Variants in ZNF98 observed in about 807,000 individuals in gnomAD.
ZNF98 encodes zinc finger protein 739.
In ZNF98, 8 loss-of-function variants were observed where a neutral mutation model predicts 12.8. The ratio of observed to expected loss-of-function variants is 0.63; its 90% confidence interval spans 0.37 to 1.13. ZNF98 has a LOEUF of 1.13. Ranked by LOEUF, ZNF98 falls within the 50% of genes most tolerant of loss-of-function variation. The pLI, the probability that ZNF98 is intolerant of heterozygous loss-of-function variation, is 0.01. For synonymous variants in ZNF98, 112 were observed against 223.5 expected (o/e 0.50, Z 4.45); for missense variants, 379 against 666.1 (o/e 0.57, Z 4.74).
chr19:22,397,805 T>C (rs1969414481), intron 3 of ZNF98, among the ~76,000 whole-genome samples: 1 of 111,504 alleles, frequency 9.0e-6, no homozygotes, highest in Admixed American at 9.7e-5. Context: ...AATCTCTACA[T>C]ACAATGAAGT....
rs200437280 is a variant in ZNF98, at chr19:22,392,814, C to A, written c.421G>T (p.Gly141Ter). Residue 141 changes from glycine (G) to a stop codon, truncating the protein, a stop_gained, in exon 4 of 4, where the codon GGA becomes TGA. Transcript: ENST00000357774. LOFTEE classifies it low-confidence loss of function (END_TRUNC). ...GTAGTTGTCAAACACTGGTTAAGTC[C>A]ATTGTAACATTCTTTGTGCACCTTA... ...ECKVHKECYN[G>*]LNQCLTTTQN... 6.2e-7 allele frequency: 1 copy of A among 1,612,436 alleles called. No homozygotes were observed. Among genetic ancestry groups the A allele is most frequent in the Non-Finnish European group, 8.5e-7 (1 of 1,179,470 alleles).
intron 1 of ZNF98, among the ~76,000 whole-genome samples, chr19:22,409,972 C>T (rs2145118615): frequency 6.8e-6 from 1 of 148,002 alleles, no homozygotes; most frequent in African/African-American, 2.5e-5. Context: ...TCTAAGAAGG[C>T]ATTTATGCAG....
chr19:22,401,388 A>T (rs1969455428), intron 3 of ZNF98, among the ~76,000 whole-genome samples: 1 of 152,222 alleles, frequency 6.6e-6, no homozygotes, highest in Non-Finnish European at 1.5e-5. Context: ...AACAAATTTA[A>T]CCAAGGAGCT....
chr19:22,391,402 T>C lies in ZNF98; in HGVS notation c.*114A>G. On this transcript the variant is annotated 3_prime_UTR_variant, in exon 4 of 4. Transcript: ENST00000357774. ...TTCCTGTGCAATAAGGTTTGAGCAT[T>C]GTGTAAGTTTTGCCACACTGTTCAC... The C allele has an allele frequency of 6.8e-7, 1 of 1,480,688 alleles. No individual in the cohort carries two copies. Among genetic ancestry groups the C allele is most frequent in the East Asian group, 2.4e-5 (1 of 40,832 alleles). 91.7% of individuals were successfully genotyped at this position (1,480,688 alleles called of 1,614,324 possible).
At chr19:22,416,161 C>T (rs1484097536) in intron 1 of ZNF98, among the ~76,000 whole-genome samples, 1 of 148,914 alleles carries the variant, frequency 6.7e-6, no homozygotes, top group Admixed American at 6.7e-5. Context: ...CAAAACAAAA[C>T]AAAAAAATTT....
chr19:22,415,420 T>G (rs1161350258), intron 1 of ZNF98, among the ~76,000 whole-genome samples: 2 of 152,168 alleles, frequency 1.3e-5, no homozygotes, highest in East Asian at 3.9e-4. Flanking sequence ...GCAGTACTAT[T>G]CACAATAGCA....
At chr19:22,407,442 G>A (rs1167564135) in intron 1 of ZNF98, among the ~76,000 whole-genome samples, 6 of 149,796 alleles carry the variant, frequency 4.0e-5, no homozygotes, top group Admixed American at 2.0e-4. Flanking sequence ...GGCTGGGCAC[G>A]GTGGCTCACG....
In ZNF98 at chr19:22,422,308, A is replaced by C; in HGVS notation, c.-84T>G. ...GAGCAGAGGACACAGAAGGGCGAAG[A>C]CGAGACCAGGAACTCCGGCTGCAGC... On this transcript the variant is annotated 5_prime_UTR_variant, in exon 1 of 4. Coordinates refer to ENST00000357774, the MANE Select transcript of ZNF98 (RefSeq NM_001098626.2). 6.5e-7 allele frequency: 1 copy of C among 1,547,576 alleles called. No individual in the cohort carries two copies. The highest frequency in any genetic ancestry group is 8.9e-7 in the Non-Finnish European group (1 of 1,123,530).
chr19:22,420,333 T>G (rs991399008), intron 1 of ZNF98, among the ~76,000 whole-genome samples: 1 of 152,208 alleles, frequency 6.6e-6, no homozygotes, highest in Non-Finnish European at 1.5e-5. Context: ...TATTTTACTT[T>G]GCAAGTTTTT....
intron 3 of ZNF98, among the ~76,000 whole-genome samples, chr19:22,395,924 C>T (rs967958741): frequency 1.3e-4 from 20 of 150,852 alleles, no homozygotes; most frequent in African/African-American, 4.6e-4. Flanking sequence ...ACAAATCTGT[C>T]CTGCCACATA....
chr19:22,391,335 T>G lies in ZNF98; in HGVS notation c.*181A>C. ...TGCAGATATTAATCACTTTTTTACT[T>G]TCTTTATATTTGTACATTTGTTCTC... On this transcript the variant is annotated 3_prime_UTR_variant, in exon 4 of 4. Transcript: ENST00000357774. The G allele has an allele frequency of 7.7e-7, 1 of 1,299,538 alleles. No individual in the cohort carries two copies. The highest frequency in any genetic ancestry group is 2.6e-5 in the East Asian group (1 of 39,094). 80.5% of individuals were successfully genotyped at this position (1,299,538 alleles called of 1,614,324 possible).
rs901868337 is a variant in ZNF98 at position 22,422,325 on chromosome 19, G to C, written c.-101C>G. The C allele has an allele frequency of 2.1e-6, 3 of 1,427,048 alleles. No individual in the cohort carries two copies. In the African/African-American group the frequency reaches 4.2e-5, roughly 20 times the overall value. 88.4% of individuals were successfully genotyped at this position (1,427,048 alleles called of 1,614,324 possible). A position where few individuals can be genotyped will look rare whatever the true frequency, so the allele number is the denominator to read the frequency against. On this transcript the variant is annotated 5_prime_UTR_variant, in exon 1 of 4. Coordinates refer to ENST00000357774, the MANE Select transcript of ZNF98 (RefSeq NM_001098626.2). ...GGGCGAAGACGAGACCAGGAACTCC[G>C]GCTGCAGCGAGAGACAAAGACCCCG...
intron 3 of ZNF98, among the ~76,000 whole-genome samples, chr19:22,402,155 GAC>G (rs1379851851): frequency 7.5e-5 from 9 of 119,644 alleles, no homozygotes; most frequent in Admixed American, 6.4e-4. Flanking sequence ...CAGCCTGGGT[GAC>G]AGAGCAAGAC....
chr19:22,391,314 GA>G lies in ZNF98; in HGVS notation c.*201del, dbSNP rs977206527. The G allele has an allele frequency of 9.1e-7, 1 of 1,098,434 alleles. No individual in the cohort carries two copies. Among genetic ancestry groups the G allele is most frequent in the Non-Finnish European group, 1.3e-6 (1 of 788,632 alleles). The allele number at this position is 1,098,434 out of a possible 1,614,324, so 68.0% of individuals were successfully genotyped here. A position where few individuals can be genotyped will look rare whatever the true frequency, so the allele number is the denominator to read the frequency against. Reference sequence around the variant, plus strand: ...TCTGATGCTGAATAAGATGTGTGCAGATATTAATCACTTTTTTACTTTCTTT... The same window carrying G: ...TCTGATGCTGAATAAGATGTGTGCAGTATTAATCACTTTTTTACTTTCTTT... On this transcript the variant is annotated 3_prime_UTR_variant, in exon 4 of 4. Transcript: ENST00000357774.
chr19:22,419,629 G>A (rs1040217661), intron 1 of ZNF98, among the ~76,000 whole-genome samples: 4 of 152,016 alleles, frequency 2.6e-5, no homozygotes, highest in African/African-American at 7.2e-5. Context: ...ATTATAAGGC[G>A]CTTTAATTTT....
intron 3 of ZNF98, among the ~76,000 whole-genome samples, chr19:22,398,097 C>T (rs1228756826): frequency 2.0e-5 from 3 of 151,406 alleles, no homozygotes; most frequent in Non-Finnish European, 2.9e-5. Context: ...ATTTGAAATA[C>T]AAAAATGCCA....
intron 1 of ZNF98, among the ~76,000 whole-genome samples, chr19:22,421,601 A>G (rs79766103): frequency 0.037 from 5,651 of 152,272 alleles, 356 homozygotes; most frequent in African/African-American, 0.13. Flanking sequence ...CTAGGCTTAA[A>G]GTGAAAATTA....
chr19:22,412,215 T>A (rs1313107857), intron 1 of ZNF98, among the ~76,000 whole-genome samples: 2 of 152,126 alleles, frequency 1.3e-5, no homozygotes, highest in Admixed American at 1.3e-4. Context: ...CAAAATTATA[T>A]GAACCACACA....
At chr19:22,408,290 A>G (rs1969544489) in intron 1 of ZNF98, among the ~76,000 whole-genome samples, 1 of 152,194 alleles carries the variant, frequency 6.6e-6, no homozygotes, top group Non-Finnish European at 1.5e-5. Flanking sequence ...TTGATGGAAC[A>G]TATCTCAAAA....
Sources: allele counts gnomAD v4.1 joint callset (sites outside exome capture counted in the v4.1 genomes callset), GRCh38; gene constraint gnomAD v4.1.1; transcripts MANE v1.5; gene names NCBI Gene and HGNC (gene_info 2026-07-23, HGNC 2026-07-21).